The following BTN1A1 variants were observed in gnomAD, a reference collection of about 807,000 sequenced individuals.
BTN1A1 encodes the protein bK14H9.2 (butyrophilin, subfamily 1, member A1).
A neutral mutation model predicts 33.1 loss-of-function variants in BTN1A1; 26 were observed. That is an observed-to-expected ratio of 0.79 (90% CI 0.58 to 1.09). BTN1A1 has a LOEUF of 1.09. Among genes scored for constraint, BTN1A1 ranks in the 50% least tolerant of loss-of-function variants. The pLI is 0.00. For missense variants in BTN1A1, 558 were observed against 655.7 expected, an observed-to-expected ratio of 0.85 and a Z score of 1.63; for synonymous variants, 235 against 256.2, an observed-to-expected ratio of 0.92 and a Z score of 0.79.
intron 3 of BTN1A1, among the ~76,000 whole-genome samples, 154 bp downstream of exon 3, chr6:26,502,091 G>C (rs190731750): frequency 6.4e-4 from 97 of 152,226 alleles, no homozygotes; most frequent in African/African-American, 2.1e-3. Context: ...GGAGGCGAGG[G>C]GGGGTAAAAG....
chr6:26,508,198 G>A (rs1445949708), intron 7 of BTN1A1, 111 bp downstream of exon 7: 1 of 1,342,694 alleles, frequency 7.4e-7, no homozygotes, highest in African/African-American at 1.5e-5. Flanking sequence ...AGGACAGGAA[G>A]GGAAACGGTG....
At chr6:26,505,844 C>A (rs1418233758) in intron 4 of BTN1A1, among the ~76,000 whole-genome samples, 1 of 151,356 alleles carries the variant, frequency 6.6e-6, no homozygotes, top group African/African-American at 2.4e-5. Flanking sequence ...GTTGGCCGGG[C>A]GTGGTGGCTC....
In BTN1A1 at chr6:26,504,930, G is replaced by A. The variant is rs759440734; in HGVS notation, c.433G>A (p.Gly145Ser). The A allele has an allele frequency of 1.2e-6, 2 of 1,613,914 alleles. No individual in the cohort carries two copies. Among genetic ancestry groups the A allele is most frequent in the South Asian group, 1.1e-5 (1 of 91,074 alleles). ...TCCAGATTCTCTCTCCATAGCTCTG[G>A]GCTCTGACCCTCACATCAGTATGCA... is the stretch of plus-strand genomic sequence containing the variant. ...ALVHLKVAAL[G>S]SDPHISMQVQ... is the part of the protein sequence containing the mutation. The change falls in exon 4 of 8, where the codon GGC (glycine) becomes AGC (serine). Residue 145 changes from glycine to serine, a missense_variant. By Grantham distance (56) the Gly-to-Ser change is moderately conservative. Coordinates refer to ENST00000684113, the MANE Select transcript of BTN1A1 (RefSeq NM_001732.3).
At position 26,501,107 on chromosome 6, in the gene BTN1A1, C is replaced by T; in HGVS notation, c.-57-123C>T. ...TAAAAATCCATACTGGGGATGGAGG[C>T]TGAGAGGAGGTTTCAGGGGCAAATG... On this transcript the variant is annotated intron_variant, in intron 1 of 7. Transcript: ENST00000684113. The surrounding 1 kb of genome is among the most constrained non-coding windows in gnomAD (Gnocchi z 5.2). The T allele has an allele frequency of 9.6e-6, 6 of 625,594 alleles. No homozygotes were observed. Among genetic ancestry groups the T allele is most frequent in the South Asian group, 7.4e-5 (4 of 53,846 alleles). 38.8% of individuals were successfully genotyped at this position (625,594 alleles called of 1,614,324 possible).
chr6:26,503,238 T>C (rs1763826552), intron 3 of BTN1A1, among the ~76,000 whole-genome samples: 1 of 150,880 alleles, frequency 6.6e-6, no homozygotes, highest in Non-Finnish European at 1.5e-5. Flanking sequence ...AATCCCAGCA[T>C]TTTGGGAGGC....
rs751507011 is a variant in BTN1A1 at position 26,501,563 on chromosome 6, C to G, written c.80-27C>G. ...GTCCGTAGTTCCCATCTCCACATCCCGTCTGATCCCGCTCGTTTTTCGGCA... is the reference window on the plus strand; with the variant it reads ...GTCCGTAGTTCCCATCTCCACATCCGGTCTGATCCCGCTCGTTTTTCGGCA... On this transcript the variant is annotated intron_variant, in intron 2 of 7. Coordinates refer to ENST00000684113, the MANE Select transcript of BTN1A1 (RefSeq NM_001732.3). The surrounding 1 kb of genome is among the most constrained non-coding windows in gnomAD (Gnocchi z 5.2). The G allele has an allele frequency of 1.2e-6, 2 of 1,609,626 alleles. No individual in the cohort carries two copies. The highest frequency in any genetic ancestry group is 1.7e-6 in the Non-Finnish European group (2 of 1,176,928).
Position 26,501,531 on chromosome 6 carries a change from G to C in BTN1A1, c.80-59G>C. On this transcript the variant is annotated intron_variant, in intron 2 of 7. Transcript: ENST00000684113. The surrounding 1 kb of genome is among the most constrained non-coding windows in gnomAD (Gnocchi z 5.2). ...ACTGCGCTTTGGCGGGAATCTGGTCGGTGTCTGTCCGTAGTTCCCATCTCC... is the reference window on the plus strand; with the variant it reads ...ACTGCGCTTTGGCGGGAATCTGGTCCGTGTCTGTCCGTAGTTCCCATCTCC... 2 of 1,600,052 alleles carry C rather than the reference G, an allele frequency of 1.2e-6. No individual in the cohort carries two copies. The highest frequency in any genetic ancestry group is 1.7e-6 in the Non-Finnish European group (2 of 1,170,754).
chr6:26,503,481 AG>A (rs1259554894), intron 3 of BTN1A1, among the ~76,000 whole-genome samples: 1 of 151,808 alleles, frequency 6.6e-6, no homozygotes, highest in Non-Finnish European at 1.5e-5. Context: ...AAAAAAAAAA[AG>A]AATAAAATAA....
rs749344249 is a variant in BTN1A1, at chr6:26,501,399, G to T, written c.79+34G>T. On this transcript the variant is annotated intron_variant, in intron 2 of 7. Transcript: ENST00000684113. The surrounding 1 kb of genome is among the most constrained non-coding windows in gnomAD (Gnocchi z 5.2). ...CTCTCTCTCTCTGGGCTGCATAGTT[G>T]AAATATATCAATAAATGTAAAATAA... 1 of 1,595,282 alleles carries T rather than the reference G, an allele frequency of 6.3e-7. No homozygotes were observed. The highest frequency in any genetic ancestry group is 1.1e-5 in the South Asian group (1 of 90,650).
chr6:26,501,751 C>A lies in BTN1A1; in HGVS notation c.241C>A (p.Arg81Ser), dbSNP rs760469699. The A allele has an allele frequency of 1.3e-5, 21 of 1,613,586 alleles. No homozygotes were observed. The highest frequency in any genetic ancestry group is 1.5e-5 in the Non-Finnish European group (18 of 1,179,980). The change falls in exon 3 of 8, where the codon CGC (arginine) becomes AGC (serine). Residue 81 changes from arginine to serine, a missense_variant. Coordinates refer to ENST00000684113, the MANE Select transcript of BTN1A1 (RefSeq NM_001732.3). The surrounding 1 kb of genome is among the most constrained non-coding windows in gnomAD (Gnocchi z 5.2). ...SPAVLVHRDGREQEAEQMPEY... is the reference protein window; with the variant it reads ...SPAVLVHRDGSEQEAEQMPEY... Reference sequence around the variant, plus strand: ...GGCCGTGCTGGTGCATAGGGACGGGCGCGAGCAGGAAGCCGAGCAGATGCC... The same window carrying A: ...GGCCGTGCTGGTGCATAGGGACGGGAGCGAGCAGGAAGCCGAGCAGATGCC...
In BTN1A1 at chr6:26,501,932, T is replaced by C. The variant is rs1465567677; in HGVS notation, c.422T>C (p.Val141Ala). ...GAAGAAGCCCTGGTGCATCTGAAGG[T>C]GGCTGGTGAGTAGACGGGTTTTGAC... ...SYEEALVHLK[V>A]AALGSDPHIS... Residue 141 changes from valine to alanine, a missense_variant, in exon 3 of 8, where the codon GTG becomes GCG. Coordinates refer to ENST00000684113, the MANE Select transcript of BTN1A1 (RefSeq NM_001732.3). The surrounding 1 kb of genome is among the most constrained non-coding windows in gnomAD (Gnocchi z 5.2). 6.4e-7 allele frequency: 1 copy of C among 1,563,506 alleles called. No individual in the cohort carries two copies. The highest frequency in any genetic ancestry group is 8.7e-7 in the Non-Finnish European group (1 of 1,153,290).
intron 3 of BTN1A1, among the ~76,000 whole-genome samples, chr6:26,503,658 T>TTATATA (rs374349868): frequency 2.0e-5 from 3 of 147,978 alleles, no homozygotes; most frequent in South Asian, 4.2e-4. Context: ...TATGCATATA[T>TTATATA]TATATATATA....
At chr6:26,504,698 A>G (rs186834783) in intron 3 of BTN1A1, among the ~76,000 whole-genome samples, 2 of 151,900 alleles carry the variant, frequency 1.3e-5, no homozygotes, top group Non-Finnish European at 2.9e-5. Context: ...GATCTCCTGG[A>G]CTCAAGTAAT....
Position 26,509,665 on chromosome 6 carries a change from C to CCG in BTN1A1, c.*491_*492insCG. ...TGGAGGGAAGTGAGGTGAATCCAGG[C>CCG]ACATGATGAACACCTGGCTCATCCA... On this transcript the variant is annotated 3_prime_UTR_variant, in exon 8 of 8. Coordinates refer to ENST00000684113, the MANE Select transcript of BTN1A1 (RefSeq NM_001732.3). 1.9e-5 allele frequency: 3 copies of CCG among 157,616 alleles called. No individual in the cohort carries two copies. Among genetic ancestry groups the CCG allele is most frequent in the Non-Finnish European group, 4.2e-5 (3 of 71,498 alleles). 9.8% of individuals were successfully genotyped at this position (157,616 alleles called of 1,614,324 possible).
intron 3 of BTN1A1, among the ~76,000 whole-genome samples, chr6:26,502,631 A>T (rs1439910410): frequency 2.0e-5 from 3 of 152,256 alleles, no homozygotes; most frequent in Non-Finnish European, 4.4e-5. Context: ...TAAGAGTTAT[A>T]TAACATTCTT....
Position 26,509,261 on chromosome 6 carries a change from C to A in BTN1A1, c.*87C>A. The A allele has an allele frequency of 8.2e-7, 1 of 1,222,530 alleles. No homozygotes were observed. Among genetic ancestry groups the A allele is most frequent in the African/African-American group, 1.5e-5 (1 of 65,888 alleles). The allele number at this position is 1,222,530 out of a possible 1,614,324, so 75.7% of individuals were successfully genotyped here. A position where few individuals can be genotyped will look rare whatever the true frequency, so the allele number is the denominator to read the frequency against. On this transcript the variant is annotated 3_prime_UTR_variant, in exon 8 of 8. Transcript: ENST00000684113. ...GCTTCACCTGCTAGCTTTACCCAGT[C>A]TGTTTCTTCCTGTTGGGTGGCAATT... is the stretch of plus-strand genomic sequence containing the variant.
At chr6:26,507,741 A>T (rs1581430871) in intron 5 of BTN1A1, among the ~76,000 whole-genome samples, 1 of 142,342 alleles carries the variant, frequency 7.0e-6, no homozygotes, top group African/African-American at 2.6e-5. Context: ...ATCTGATCCC[A>T]AGCCAGTTCC....
chr6:26,501,380 C>T lies in BTN1A1; in HGVS notation c.79+15C>T, dbSNP rs781329505. On this transcript the variant is annotated intron_variant, in intron 2 of 7. Transcript: ENST00000684113. The surrounding 1 kb of genome is among the most constrained non-coding windows in gnomAD (Gnocchi z 5.2). ...ACTGGATTCAGGTAAGTCTCTCTCT[C>T]TCTCTGGGCTGCATAGTTGAAATAT... The T allele has an allele frequency of 6.2e-7, 1 of 1,606,768 alleles. No homozygotes were observed. The highest frequency in any genetic ancestry group is 1.1e-5 in the South Asian group (1 of 90,942).
At chr6:26,507,787 C>G (rs1449876902) in intron 5 of BTN1A1, among the ~76,000 whole-genome samples, 163 bp from the exon 6 acceptor site, 2 of 151,980 alleles carry the variant, frequency 1.3e-5, no homozygotes, top group East Asian at 3.9e-4. Context: ...TCTTCGAAAA[C>G]AAAGCAAAAC....
Sources: gnomAD v4.1 joint callset for allele counts (sites outside exome capture counted in the v4.1 genomes callset) on GRCh38, gnomAD v4.1.1 for gene constraint, Gnocchi (gnomAD v3.1) non-coding constraint, MANE v1.5 for transcripts, NCBI Gene and HGNC (gene_info 2026-07-23, HGNC 2026-07-21) for gene names.